LRMDA: variants seen among roughly 807,000 people sequenced by gnomAD.
LRMDA encodes the protein leucine-rich melanocyte differentiation-associated protein.
LRMDA carries 18 observed loss-of-function variants against 29.8 expected under a neutral mutation model. That is an observed-to-expected ratio of 0.60 (90% CI 0.42 to 0.90). The LOEUF (loss-of-function observed/expected upper bound fraction) is 0.90. LRMDA is among the 40% of genes least tolerant of loss of function. LRMDA has a pLI of 0.00. For missense variants in LRMDA, 273 were observed against 273.9 expected, an observed-to-expected ratio of 1.00 and a Z score of 0.02; for synonymous variants, 125 against 109.4, an observed-to-expected ratio of 1.14 and a Z score of -0.89.
At chr10:76,336,311 A>T (rs1429396936) in intron 6 of LRMDA, among the ~76,000 whole-genome samples, 1 of 152,258 alleles carries the variant, frequency 6.6e-6, no homozygotes, top group Non-Finnish European at 1.5e-5. Context: ...GTGCAAGCAC[A>T]GGGAGATACA....
intron 6 of LRMDA, among the ~76,000 whole-genome samples, chr10:76,528,361 T>C (rs1387447796): frequency 6.6e-6 from 1 of 152,138 alleles, no homozygotes; most frequent in Non-Finnish European, 1.5e-5. Flanking sequence ...TTTAATACGA[T>C]AGGCAAATAT....
At position 76,049,838 on chromosome 10, in the gene LRMDA, A is replaced by G. The variant is rs1001310942; in HGVS notation, c.398+2535A>G. ...TCCTTCTAGCTGTTTCCCAGAGCCT[A>G]ATAGTAGAGCCTCTATGTAAATTTA... is the stretch of plus-strand genomic sequence containing the variant. On this transcript the variant is annotated intron_variant, in intron 4 of 6. Coordinates refer to ENST00000611255, the MANE Select transcript of LRMDA (RefSeq NM_001305581.2). Among the ~76,000 whole-genome samples the G allele has an allele frequency of 3.3e-5, 5 of 152,312 alleles. No homozygotes were observed. In the East Asian group the frequency reaches 9.6e-4, roughly 29 times the overall value.
At chr10:76,181,070 T>A (rs977327061) in intron 5 of LRMDA, among the ~76,000 whole-genome samples, 1 of 152,160 alleles carries the variant, frequency 6.6e-6, no homozygotes, top group African/African-American at 2.4e-5. Flanking sequence ...TCCCTCTCTT[T>A]TACTGTCATG....
At chr10:76,388,797 T>C (rs1841690134) in intron 6 of LRMDA, among the ~76,000 whole-genome samples, 1 of 152,236 alleles carries the variant, frequency 6.6e-6, no homozygotes, top group African/African-American at 2.4e-5. Context: ...AAGTAGTTCA[T>C]TTAATCCTCA....
chr10:75,696,118 A>T (rs1368945308), intron 2 of LRMDA, among the ~76,000 whole-genome samples: 1 of 152,242 alleles, frequency 6.6e-6, no homozygotes, highest in Non-Finnish European at 1.5e-5. Context: ...AACAATAACA[A>T]TGATAATTTT....
chr10:75,964,247 G>A (rs1410030213), intron 2 of LRMDA, among the ~76,000 whole-genome samples: 1 of 152,072 alleles, frequency 6.6e-6, no homozygotes, highest in African/African-American at 2.4e-5. Flanking sequence ...ATATGTTACT[G>A]GACTCTCAAG....
chr10:75,677,707 A>T (rs980521823), intron 2 of LRMDA, among the ~76,000 whole-genome samples: 14 of 152,176 alleles, frequency 9.2e-5, no homozygotes, highest in African/African-American at 3.1e-4. Context: ...AATTACGGAA[A>T]AAACAAAAAC....
chr10:76,137,053 T>A (rs559356117), intron 5 of LRMDA, among the ~76,000 whole-genome samples: 1 of 152,296 alleles, frequency 6.6e-6, no homozygotes, highest in African/African-American at 2.4e-5. Context: ...CCTATCTCCA[T>A]GCTTTTGTTT....
chr10:75,838,025 G>A (rs1238337674), intron 2 of LRMDA, among the ~76,000 whole-genome samples: 1 of 152,096 alleles, frequency 6.6e-6, no homozygotes, highest in African/African-American at 2.4e-5. Context: ...TTCAGTAAAT[G>A]AAGTATATAT....
intron 2 of LRMDA, among the ~76,000 whole-genome samples, chr10:75,949,811 G>C (rs1846541846): frequency 6.6e-6 from 1 of 152,162 alleles, no homozygotes; most frequent in Non-Finnish European, 1.5e-5. Flanking sequence ...TGTGTACCAA[G>C]AGCACCAGTT....
At chr10:76,417,465 C>T (rs1842028203) in intron 6 of LRMDA, among the ~76,000 whole-genome samples, 1 of 151,674 alleles carries the variant, frequency 6.6e-6, no homozygotes. Flanking sequence ...GAGCTGTCAC[C>T]ACCCAGACAA....
intron 2 of LRMDA, among the ~76,000 whole-genome samples, chr10:75,958,075 C>A (rs978751376): frequency 6.6e-6 from 1 of 152,086 alleles, no homozygotes. Flanking sequence ...GTAGCCTGTG[C>A]GCCTTGCTGA....
chr10:75,734,516 A>G (rs1359244796), intron 2 of LRMDA, among the ~76,000 whole-genome samples: 1 of 152,188 alleles, frequency 6.6e-6, no homozygotes, highest in African/African-American at 2.4e-5. Context: ...AGCTGTAAGA[A>G]TTTGTTACTC....
intron 4 of LRMDA, among the ~76,000 whole-genome samples, chr10:76,057,287 A>T (rs959496922): frequency 2.0e-5 from 3 of 152,188 alleles, no homozygotes; most frequent in Admixed American, 6.5e-5. Flanking sequence ...AATTTCTGTT[A>T]CACTGAGAAC....
chr10:76,004,661 A>AT (rs1564627807), intron 2 of LRMDA, among the ~76,000 whole-genome samples: 1 of 151,934 alleles, frequency 6.6e-6, no homozygotes, highest in Non-Finnish European at 1.5e-5. Context: ...TCGATAGTGT[A>AT]GGGGATTAAG....
intron 5 of LRMDA, among the ~76,000 whole-genome samples, chr10:76,191,297 C>T (rs1851241383): frequency 6.6e-6 from 1 of 152,180 alleles, no homozygotes; most frequent in Non-Finnish European, 1.5e-5. Flanking sequence ...AGACAGAATA[C>T]ATAGATCCTG....
At chr10:75,958,931 A>G (rs924808181) in intron 2 of LRMDA, among the ~76,000 whole-genome samples, 2 of 152,172 alleles carry the variant, frequency 1.3e-5, no homozygotes, top group African/African-American at 4.8e-5. Flanking sequence ...CCCCATATAC[A>G]ACCATCAGAT....
rs549320819 is a variant in LRMDA, at chr10:75,465,982, G to C, written c.131+27488G>C. 5.3e-5 allele frequency among the ~76,000 whole-genome samples: 8 copies of C among 152,192 alleles called. 1 individual carries two copies. Among genetic ancestry groups the C allele is most frequent in the Non-Finnish European group, 1.2e-4 (8 of 68,038 alleles). The stretch of plus-strand genomic sequence containing the variant: ...GGAAGTGCTGTATTTTATGATTAAG[G>C]CACTAAAAGATTAGCCATAGGCACT... On this transcript the variant is annotated intron_variant, in intron 2 of 6. Coordinates refer to ENST00000611255, the MANE Select transcript of LRMDA (RefSeq NM_001305581.2).
intron 2 of LRMDA, among the ~76,000 whole-genome samples, chr10:75,503,883 A>T (rs1293501444): frequency 2.0e-5 from 3 of 152,176 alleles, no homozygotes; most frequent in Non-Finnish European, 4.4e-5. Flanking sequence ...AAGGTCAACA[A>T]TCTGGAAGTG....
Sources: allele counts gnomAD v4.1 joint callset (sites outside exome capture counted in the v4.1 genomes callset), GRCh38; gene constraint gnomAD v4.1.1; transcripts MANE v1.5; gene names NCBI Gene and HGNC (gene_info 2026-07-23, HGNC 2026-07-21).